CDH13: variants seen among roughly 807,000 people sequenced by gnomAD.
CDH13 encodes cadherin 13, also known as cadherin-13.
In CDH13, 24 loss-of-function variants were observed where a neutral mutation model predicts 63.8. The ratio of observed to expected loss-of-function variants is 0.38; its 90% CI spans 0.27 to 0.53. The LOEUF is 0.53. Ranked by LOEUF, CDH13 falls within the 20% of genes least tolerant of loss-of-function variation. The pLI, the probability that CDH13 is intolerant of heterozygous loss-of-function variation, is 0.85. For missense variants in CDH13, 1,049 were observed against 903.1 expected (o/e 1.16, Z -2.07); for synonymous variants, 503 against 355.3 (o/e 1.42, Z -4.67).
chr16:82,898,921 G>A (rs2041362975), intron 2 of CDH13, among the ~76,000 whole-genome samples: 1 of 152,248 alleles, frequency 6.6e-6, no homozygotes, highest in African/African-American at 2.4e-5. Context: ...ACTTCACTCA[G>A]TATGTAGATA....
Position 83,796,477 on chromosome 16 carries a change from G to C in CDH13, c.*1447G>C, listed in dbSNP as rs1451333461. 1.3e-5 allele frequency: 2 copies of C among 152,236 alleles called. No homozygotes were observed. Among genetic ancestry groups the C allele is most frequent in the African/African-American group, 2.4e-5 (1 of 41,458 alleles). The allele number at this position is 152,236 out of a possible 1,614,324, so 9.4% of individuals were successfully genotyped here. On this transcript the variant is annotated 3_prime_UTR_variant, in exon 14 of 14. Transcript: ENST00000567109. The stretch of plus-strand genomic sequence containing the variant: ...GAAGTCATATGTTGTCTTTGTTGTA[G>C]TGAAATTATACAGATAGAGTTCCAT...
intron 7 of CDH13, among the ~76,000 whole-genome samples, chr16:83,566,710 C>G (rs1904284164): frequency 6.6e-6 from 1 of 152,220 alleles, no homozygotes; most frequent in African/African-American, 2.4e-5. Flanking sequence ...CACTTTATGA[C>G]AGCACTCTGC....
chr16:83,448,673 CA>C lies in CDH13; in HGVS notation c.782-37803del, dbSNP rs149158471. Among the ~76,000 whole-genome samples the C allele has an allele frequency of 1.8e-4, 28 of 152,178 alleles. No homozygotes were observed. In the East Asian group the frequency reaches 5.2e-3, roughly 28 times the overall value. On this transcript the variant is annotated intron_variant, in intron 6 of 13. Transcript: ENST00000567109. ...GATTTATAGAATTGGTCAATTTTTC[CA>C]GGGAAAAGCAGTAGAGATGAGAGTA...
intron 6 of CDH13, among the ~76,000 whole-genome samples, chr16:83,483,828 A>G (rs1004508215): frequency 1.3e-5 from 2 of 152,180 alleles, no homozygotes; most frequent in Admixed American, 6.5e-5. Context: ...ATTTCACATC[A>G]GTTTCCATAG....
intron 2 of CDH13, among the ~76,000 whole-genome samples, chr16:82,885,466 CCCAT>C (rs58100947): frequency 7.7e-6 from 1 of 129,224 alleles, no homozygotes; most frequent in Non-Finnish European, 1.6e-5. Flanking sequence ...CATCCACCTA[CCCAT>C]CCATCCATCC....
intron 1 of CDH13, among the ~76,000 whole-genome samples, chr16:82,745,350 A>G (rs1274936921): frequency 2.0e-5 from 3 of 152,174 alleles, no homozygotes; most frequent in Admixed American, 1.3e-4. Context: ...TTTAAACATG[A>G]TTTTTCTCCA....
At chr16:83,379,919 G>GTA (rs747045728) in intron 6 of CDH13, among the ~76,000 whole-genome samples, 6,610 of 126,180 alleles carry the variant, frequency 0.052, 368 homozygotes, top group African/African-American at 0.14. Flanking sequence ...ATGTGTGTGT[G>GTA]TATATATATA....
At chr16:83,258,340 T>G (rs1259542300) in intron 5 of CDH13, among the ~76,000 whole-genome samples, 1 of 152,232 alleles carries the variant, frequency 6.6e-6, no homozygotes, top group Non-Finnish European at 1.5e-5. Context: ...GCTTTAACAG[T>G]CCTGGTTCCT....
At chr16:83,004,961 C>G (rs1913330170) in intron 2 of CDH13, among the ~76,000 whole-genome samples, 1 of 152,182 alleles carries the variant, frequency 6.6e-6, no homozygotes, top group Non-Finnish European at 1.5e-5. Context: ...CTGTAGGAAA[C>G]AGACTGGGAG....
chr16:83,167,040 A>C (rs1453662104), intron 4 of CDH13, among the ~76,000 whole-genome samples: 1 of 152,156 alleles, frequency 6.6e-6, no homozygotes, highest in East Asian at 1.9e-4. Flanking sequence ...ACATGAAAAT[A>C]AACATACTAT....
chr16:82,860,905 A>C (rs1310504847), intron 2 of CDH13, among the ~76,000 whole-genome samples: 1 of 152,200 alleles, frequency 6.6e-6, no homozygotes, highest in African/African-American at 2.4e-5. Flanking sequence ...CCAATATTTT[A>C]AGCCAGTCTC....
intron 10 of CDH13, among the ~76,000 whole-genome samples, chr16:83,727,307 G>A (rs1007801730): frequency 1.3e-5 from 2 of 152,090 alleles, no homozygotes; most frequent in East Asian, 3.9e-4. Context: ...GTAGCAGAAA[G>A]ACATCTACGT....
At chr16:82,671,626 A>G (rs1002707996) in intron 1 of CDH13, among the ~76,000 whole-genome samples, 14 of 152,210 alleles carry the variant, frequency 9.2e-5, no homozygotes, top group Non-Finnish European at 1.3e-4. Context: ...GAAAGAGCAT[A>G]GGCCACCCCA....
intron 1 of CDH13, among the ~76,000 whole-genome samples, chr16:82,847,701 G>C (rs1030545586): frequency 1.3e-5 from 2 of 152,144 alleles, no homozygotes; most frequent in African/African-American, 2.4e-5. Context: ...GGGGACTACT[G>C]TCTATTCTGT....
chr16:83,319,742 G>T (rs762221566), intron 5 of CDH13, among the ~76,000 whole-genome samples: 1 of 152,216 alleles, frequency 6.6e-6, no homozygotes, highest in African/African-American at 2.4e-5. Flanking sequence ...GAAGACAGGT[G>T]ACAAGAAAGG....
chr16:82,774,883 A>T (rs2035426399), intron 1 of CDH13, among the ~76,000 whole-genome samples: 1 of 152,230 alleles, frequency 6.6e-6, no homozygotes, highest in Admixed American at 6.5e-5. Context: ...TTACCAAACA[A>T]GCTCTTCCTA....
chr16:83,139,028 G>C (rs563119005), intron 4 of CDH13, among the ~76,000 whole-genome samples: 1 of 151,808 alleles, frequency 6.6e-6, no homozygotes, highest in South Asian at 2.1e-4. Context: ...TGGGAATGTA[G>C]ACTGTGAAAC....
chr16:83,667,095 G>GGATT (rs1342621334), intron 8 of CDH13, among the ~76,000 whole-genome samples: 1 of 144,646 alleles, frequency 6.9e-6, no homozygotes, highest in African/African-American at 2.6e-5. Flanking sequence ...GATGATGGAT[G>GGATT]GATGGATGGA....
chr16:83,440,595 G>C (rs931852361), intron 6 of CDH13, among the ~76,000 whole-genome samples: 2 of 152,062 alleles, frequency 1.3e-5, no homozygotes, highest in African/African-American at 4.8e-5. Context: ...GACCAGCCTG[G>C]CCAACATGGT....
Sources: gnomAD v4.1 joint callset for allele counts (sites outside exome capture counted in the v4.1 genomes callset) on GRCh38, gnomAD v4.1.1 for gene constraint, MANE v1.5 for transcripts, NCBI Gene and HGNC (gene_info 2026-07-23, HGNC 2026-07-21) for gene names.